The following ANKRD6 variants were observed in gnomAD, a reference collection of about 807,000 sequenced individuals.
The protein encoded by ANKRD6 is ankyrin repeat domain 6.
Under a neutral mutation model 82.3 loss-of-function variants are expected in ANKRD6, and 56 were observed. That is an observed-to-expected ratio of 0.68 (90% confidence interval 0.55 to 0.85). The LOEUF is 0.85. Among genes scored for constraint, ANKRD6 ranks in the 40% least tolerant of loss-of-function variants. The pLI, the probability that ANKRD6 is intolerant of heterozygous loss-of-function variation, is 0.00. For synonymous variants in ANKRD6, 347 were observed against 352.1 expected (o/e 0.99, Z 0.16); for missense variants, 852 against 907.6 (o/e 0.94, Z 0.79).
chr6:89,526,173 C>T (rs1303494501), intron 1 of ANKRD6, among the ~76,000 whole-genome samples: 1 of 152,226 alleles, frequency 6.6e-6, no homozygotes, highest in Non-Finnish European at 1.5e-5. Context: ...CTGCCATGAG[C>T]TGCTGGCTTG....
intron 1 of ANKRD6, among the ~76,000 whole-genome samples, chr6:89,439,784 C>T (rs925716284): frequency 7.9e-5 from 12 of 152,132 alleles, no homozygotes; most frequent in Admixed American, 3.3e-4. Flanking sequence ...CTGCAAACCC[C>T]GCCTCCTGGG....
chr6:89,547,467 C>T (rs530895047), intron 1 of ANKRD6, among the ~76,000 whole-genome samples: 1 of 152,260 alleles, frequency 6.6e-6, no homozygotes, highest in Non-Finnish European at 1.5e-5. Flanking sequence ...GTGTCTTGTT[C>T]CCAGGCCTCC....
intron 1 of ANKRD6, among the ~76,000 whole-genome samples, chr6:89,484,711 C>T (rs1321597500): frequency 3.9e-5 from 6 of 152,154 alleles, no homozygotes; most frequent in African/African-American, 7.2e-5. Context: ...ATTATGTTTA[C>T]ATTCCAGAAT....
chr6:89,618,607 G>A (rs1041505515), intron 9 of ANKRD6, among the ~76,000 whole-genome samples: 1 of 152,252 alleles, frequency 6.6e-6, no homozygotes, highest in South Asian at 2.1e-4. Flanking sequence ...TAACAATAAA[G>A]AAATGTCATA....
At chr6:89,474,930 G>T (rs1198971755) in intron 1 of ANKRD6, among the ~76,000 whole-genome samples, 1 of 152,180 alleles carries the variant, frequency 6.6e-6, no homozygotes, top group Non-Finnish European at 1.5e-5. Context: ...GTTCTAGACA[G>T]TGCGAAATCT....
intron 8 of ANKRD6, 39 bp downstream of exon 8, chr6:89,616,696 C>T: frequency 6.3e-7 from 1 of 1,584,664 alleles, no homozygotes; most frequent in Non-Finnish European, 8.7e-7. Flanking sequence ...AAGTGGTTCC[C>T]ACCCCTTTCC....
intron 1 of ANKRD6, among the ~76,000 whole-genome samples, chr6:89,522,725 A>G (rs949611210): frequency 1.3e-5 from 2 of 152,088 alleles, no homozygotes; most frequent in Admixed American, 6.6e-5. Flanking sequence ...TTAGGGAGTA[A>G]CATCTCTTGA....
At chr6:89,513,419 G>T (rs182012448) in intron 1 of ANKRD6, among the ~76,000 whole-genome samples, 6 of 152,182 alleles carry the variant, frequency 3.9e-5, no homozygotes, top group Admixed American at 1.3e-4. Context: ...GACTTATAAT[G>T]CAATCGATGA....
intron 1 of ANKRD6, among the ~76,000 whole-genome samples, chr6:89,469,942 T>G (rs943356984): frequency 2.0e-5 from 3 of 152,202 alleles, no homozygotes; most frequent in Non-Finnish European, 4.4e-5. Flanking sequence ...CTTCTCCTTC[T>G]ACAGCCATCT....
At chr6:89,593,046 C>T (rs968181879) in intron 2 of ANKRD6, among the ~76,000 whole-genome samples, 1 of 152,172 alleles carries the variant, frequency 6.6e-6, no homozygotes, top group African/African-American at 2.4e-5. Context: ...TGCACTCCAG[C>T]CTGGGTGACA....
chr6:89,599,503 G>T (rs1157879668), intron 3 of ANKRD6, among the ~76,000 whole-genome samples: 2 of 152,210 alleles, frequency 1.3e-5, no homozygotes, highest in Non-Finnish European at 2.9e-5. Flanking sequence ...TTATGTCAAA[G>T]TAGCCACTTG....
At chr6:89,444,695 C>T (rs771324809) in intron 1 of ANKRD6, among the ~76,000 whole-genome samples, 10 of 152,108 alleles carry the variant, frequency 6.6e-5, no homozygotes, top group Admixed American at 2.0e-4. Flanking sequence ...GGGCTGGGCG[C>T]GGTGGCTCAC....
At chr6:89,521,643 G>T (rs564555361) in intron 1 of ANKRD6, among the ~76,000 whole-genome samples, 1 of 152,322 alleles carries the variant, frequency 6.6e-6, no homozygotes, top group Non-Finnish European at 1.5e-5. Flanking sequence ...CAGGGGAGAG[G>T]TGAGAGGTGA....
chr6:89,532,866 T>G (rs1302751117), intron 1 of ANKRD6, among the ~76,000 whole-genome samples: 1 of 150,736 alleles, frequency 6.6e-6, no homozygotes, highest in Non-Finnish European at 1.5e-5. Flanking sequence ...CATGTCCAGC[T>G]GATTTTTTGT....
At chr6:89,565,326 G>T (rs1583312669) in intron 1 of ANKRD6, 1 of 152,316 alleles carries the variant, frequency 6.6e-6, no homozygotes, top group African/African-American at 2.4e-5. Context: ...ATGGGTTTGC[G>T]AGAGTTCCTC....
chr6:89,509,333 A>G (rs1256767904), intron 1 of ANKRD6: 4 of 152,222 alleles, frequency 2.6e-5, no homozygotes, highest in South Asian at 4.1e-4. Flanking sequence ...CAATGAAAAG[A>G]CCACACTGGG....
At chr6:89,510,825 G>A (rs1348015181) in intron 1 of ANKRD6, among the ~76,000 whole-genome samples, 1 of 152,098 alleles carries the variant, frequency 6.6e-6, no homozygotes, top group Non-Finnish European at 1.5e-5. Context: ...GCTCTATGCT[G>A]TAACTCTGTA....
chr6:89,445,858 A>G (rs776641722), intron 1 of ANKRD6, among the ~76,000 whole-genome samples: 1 of 151,764 alleles, frequency 6.6e-6, no homozygotes, highest in Non-Finnish European at 1.5e-5. Flanking sequence ...AGGTACAGCC[A>G]TGAGCCACTG....
chr6:89,487,827 G>A (rs1777540768), intron 1 of ANKRD6, among the ~76,000 whole-genome samples: 1 of 151,788 alleles, frequency 6.6e-6, no homozygotes, highest in Non-Finnish European at 1.5e-5. Flanking sequence ...AGACATACTG[G>A]AAGAAAAAAA....
Sources: allele counts gnomAD v4.1 joint callset (sites outside exome capture counted in the v4.1 genomes callset), GRCh38; gene constraint gnomAD v4.1.1; transcripts MANE v1.5; gene names NCBI Gene and HGNC (gene_info 2026-07-23, HGNC 2026-07-21).